ZBED4: variants seen among roughly 807,000 people sequenced by gnomAD.
ZBED4 encodes zinc finger BED domain-containing protein 4.
Under a neutral mutation model 15.5 loss-of-function variants are expected in ZBED4, and 4 were observed. That is an observed-to-expected ratio of 0.26 (90% CI 0.13 to 0.59). ZBED4 has a LOEUF of 0.59. Among genes scored for constraint, ZBED4 ranks in the 20% least tolerant of loss-of-function variants. The pLI is 0.90. For synonymous variants in ZBED4, 692 were observed against 608.5 expected (o/e 1.14, Z -2.02); for missense variants, 1,323 against 1,461.8 (o/e 0.91, Z 1.55).
chr22:49,880,021 G>A (rs1211505293), intron 1 of ZBED4, among the ~76,000 whole-genome samples: 3 of 151,820 alleles, frequency 2.0e-5, no homozygotes, highest in Admixed American at 2.0e-4. Context: ...CAGCCATTTT[G>A]TATTTTACTT....
At chr22:49,867,971 G>GT (rs1374830091) in intron 1 of ZBED4, among the ~76,000 whole-genome samples, 1 of 152,178 alleles carries the variant, frequency 6.6e-6, no homozygotes, top group African/African-American at 2.4e-5. Flanking sequence ...GTGTCACACC[G>GT]TATGTTGTTA....
intron 1 of ZBED4, among the ~76,000 whole-genome samples, chr22:49,854,294 GGGGCTC>G (rs1389761853): frequency 1.3e-5 from 2 of 150,776 alleles, no homozygotes; most frequent in South Asian, 2.1e-4. Context: ...CGGACGGGAC[GGGGCTC>G]GGGCTCGGGG....
intron 1 of ZBED4, among the ~76,000 whole-genome samples, chr22:49,858,448 G>T (rs185806762): frequency 2.0e-5 from 3 of 152,310 alleles, no homozygotes; most frequent in Admixed American, 1.3e-4. Flanking sequence ...TCGACAGCTT[G>T]TTGAGAGTGC....
Position 49,884,967 on chromosome 22 carries a change from G to A in ZBED4, c.1305G>A (p.Gly435=), listed in dbSNP as rs375447880. 247 of 1,612,568 alleles carry A rather than the reference G, an allele frequency of 1.5e-4. No individual in the cohort carries two copies. The highest frequency in any genetic ancestry group is 1.9e-4 in the Non-Finnish European group (228 of 1,179,268). ...ASSPEKQQAD[G]LSPRLFESGA... is the part of the protein sequence containing the mutation. The stretch of plus-strand genomic sequence containing the variant: ...CTCCTGAGAAGCAGCAGGCTGATGG[G>A]CTGAGTCCTAGATTGTTTGAATCTG... Residue 435 remains glycine (G), a synonymous_variant, in exon 2 of 2, where the codon GGG becomes GGA. Transcript: ENST00000216268.
chr22:49,867,655 G>A (rs1051633846), intron 1 of ZBED4, among the ~76,000 whole-genome samples: 3 of 152,200 alleles, frequency 2.0e-5, no homozygotes, highest in Non-Finnish European at 4.4e-5. Flanking sequence ...GATACCTGTT[G>A]GCTACTTGGG....
intron 1 of ZBED4, among the ~76,000 whole-genome samples, chr22:49,855,349 AC>A (rs1601778888): frequency 6.6e-6 from 1 of 152,154 alleles, no homozygotes; most frequent in Admixed American, 6.6e-5. Flanking sequence ...GTCTCCCCCA[AC>A]ACACACTCTT....
At chr22:49,873,870 G>A (rs990410384) in intron 1 of ZBED4, among the ~76,000 whole-genome samples, 2 of 152,040 alleles carry the variant, frequency 1.3e-5, no homozygotes, top group African/African-American at 4.8e-5. Context: ...CGAGGAGCGT[G>A]GAGGACAAGA....
chr22:49,861,821 G>A (rs566653686), intron 1 of ZBED4, among the ~76,000 whole-genome samples: 48 of 152,306 alleles, frequency 3.2e-4, no homozygotes, highest in Non-Finnish European at 5.4e-4. Flanking sequence ...GTGGGATGCC[G>A]CTGTGACTGA....
rs561791005 is a variant in ZBED4 at position 49,887,603 on chromosome 22, C to T, written c.*425C>T. 2 of 173,766 alleles carry T rather than the reference C, an allele frequency of 1.2e-5. No homozygotes were observed. The highest frequency in any genetic ancestry group is 2.8e-5 in the Non-Finnish European group (2 of 71,788). 10.8% of individuals were successfully genotyped at this position (173,766 alleles called of 1,614,324 possible). ...CATTGCTTTAATTGCAACAGAATAG[C>T]TTTTGTGGCTATCAAATGAAATCTG... On this transcript the variant is annotated 3_prime_UTR_variant, in exon 2 of 2. Transcript: ENST00000216268.
At chr22:49,870,639 G>A (rs1481269530) in intron 1 of ZBED4, among the ~76,000 whole-genome samples, 2 of 152,006 alleles carry the variant, frequency 1.3e-5, no homozygotes, top group Admixed American at 1.3e-4. Context: ...AGAAGTATCT[G>A]TTCATGTCCT....
intron 1 of ZBED4, among the ~76,000 whole-genome samples, chr22:49,878,389 G>A (rs969408390): frequency 2.0e-5 from 3 of 151,428 alleles, no homozygotes; most frequent in Non-Finnish European, 2.9e-5. Context: ...GCTGGGTTAC[G>A]TGGTCAGTAT....
chr22:49,861,110 A>T (rs2060295425), intron 1 of ZBED4, among the ~76,000 whole-genome samples: 1 of 152,146 alleles, frequency 6.6e-6, no homozygotes, highest in South Asian at 2.1e-4. Flanking sequence ...ACGTCCTGTA[A>T]AAGTAAGCAA....
chr22:49,871,531 G>A (rs146908035), intron 1 of ZBED4, among the ~76,000 whole-genome samples: 30 of 152,082 alleles, frequency 2.0e-4, no homozygotes, highest in Middle Eastern at 6.8e-3. Flanking sequence ...TCTGGTAAGC[G>A]TGCAATAGCA....
At chr22:49,856,785 G>T (rs2060276696) in intron 1 of ZBED4, among the ~76,000 whole-genome samples, 1 of 130,950 alleles carries the variant, frequency 7.6e-6, no homozygotes, top group Admixed American at 7.7e-5. Flanking sequence ...ATCCCGGCCG[G>T]CTTCCCACCC....
In ZBED4 at chr22:49,886,488, T is replaced by C. The variant is rs5770755; in HGVS notation, c.2826T>C (p.Ala942=). The change falls in exon 2 of 2, where the codon GCT becomes GCC. Residue 942 remains alanine (A), a synonymous_variant. Coordinates refer to ENST00000216268, the MANE Select transcript of ZBED4 (RefSeq NM_014838.3). The surrounding 1 kb of genome is among the most constrained non-coding windows in gnomAD (Gnocchi z 7.7). ...SVCRALKPFE[A]ASREMSTQMS... is the part of the protein sequence containing the mutation. ...GCCGTGCGCTAAAGCCCTTCGAGGC[T>C]GCGAGCCGGGAGATGAGCACGCAGA... is the stretch of plus-strand genomic sequence containing the variant. The C allele has an allele frequency of 0.76, 1,189,434 of 1,564,168 alleles. 465,516 individuals carry two copies. Among genetic ancestry groups the C allele is most frequent in the East Asian group, 0.86 (38,288 of 44,424 alleles).
Position 49,853,878 on chromosome 22 carries a change from G to GGGGCCGCGGGA in ZBED4, c.-437_-427dup, listed in dbSNP as rs1257099341. On this transcript the variant is annotated 5_prime_UTR_variant, in exon 1 of 2. Coordinates refer to ENST00000216268, the MANE Select transcript of ZBED4 (RefSeq NM_014838.3). ...GGCGGCGTCGCGGGCGGCGGGCGGC[G>GGGGCCGCGGGA]GGGCCGCGGGAGGGGCGCGGGGGCA... 3 of 144,832 alleles carry GGGGCCGCGGGA rather than the reference G, an allele frequency of 2.1e-5. No homozygotes were observed. The highest frequency in any genetic ancestry group is 6.8e-5 in the Admixed American group (1 of 14,664). 9.0% of individuals were successfully genotyped at this position (144,832 alleles called of 1,614,324 possible). A position where few individuals can be genotyped will look rare whatever the true frequency, so the allele number is the denominator to read the frequency against.
rs370644953 is a variant in ZBED4 at position 49,886,193 on chromosome 22, G to A, written c.2531G>A (p.Arg844Gln). 3 of 736,084 alleles carry A rather than the reference G, an allele frequency of 4.1e-6. No homozygotes were observed. Among genetic ancestry groups the A allele is most frequent in the Non-Finnish European group, 4.8e-6 (2 of 414,862 alleles). 45.6% of individuals were successfully genotyped at this position (736,084 alleles called of 1,614,324 possible). A position where few individuals can be genotyped will look rare whatever the true frequency, so the allele number is the denominator to read the frequency against. Residue 844 changes from arginine to glutamine, a missense_variant, in exon 2 of 2, where the codon CGG becomes CAG. Arg to Gln is a conservative substitution (Grantham distance 43, BLOSUM62 1). Around this residue, in one of 6 missense-constraint regions of ZBED4, gnomAD observed 100 missense variants for 79.3 expected, o/e 1.26. Transcript: ENST00000216268. The surrounding 1 kb of genome is among the most constrained non-coding windows in gnomAD (Gnocchi z 7.7). ...GTCAGCGAGGCCATTAAGAGCCAGCGGATGGTGCAGAACCTGCTGAGCCTC... is the reference window on the plus strand; with the variant it reads ...GTCAGCGAGGCCATTAAGAGCCAGCAGATGGTGCAGAACCTGCTGAGCCTC... ...LIVSEAIKSQ[R>Q]MVQNLLSLAR...
chr22:49,865,341 A>G (rs2147511237), intron 1 of ZBED4, among the ~76,000 whole-genome samples: 1 of 152,088 alleles, frequency 6.6e-6, no homozygotes, highest in South Asian at 2.1e-4. Context: ...GCAGCACGTG[A>G]CTGTGTGTGT....
intron 1 of ZBED4, among the ~76,000 whole-genome samples, chr22:49,861,350 C>T (rs1348555052): frequency 1.3e-5 from 2 of 151,990 alleles, no homozygotes; most frequent in Admixed American, 1.3e-4. Context: ...CTGTGTTGGC[C>T]AGGCTGGCCT....
Sources: gnomAD v4.1 joint callset for allele counts (sites outside exome capture counted in the v4.1 genomes callset) on GRCh38, gnomAD v4.1.1 for gene constraint, gnomAD v4.1.1 regional missense constraint, Gnocchi (gnomAD v3.1) non-coding constraint, MANE v1.5 for transcripts, NCBI Gene and HGNC (gene_info 2026-07-23, HGNC 2026-07-21) for gene names.